AFF2: variants seen among roughly 807,000 people sequenced by gnomAD.
AFF2 encodes the protein AF4/FMR2 family member 2.
A neutral mutation model predicts 76.9 loss-of-function variants in AFF2; 14 were observed. That is an observed-to-expected ratio of 0.18 (90% CI 0.12 to 0.28). The LOEUF is 0.28. Ranked by LOEUF, AFF2 falls within the 10% of genes least tolerant of loss-of-function variation. The pLI, the probability that AFF2 is intolerant of heterozygous loss-of-function variation, is 1.00. For synonymous variants in AFF2, 398 were observed against 366.7 expected (o/e 1.09, Z -0.98); for missense variants, 868 against 1,001.1 (o/e 0.87, Z 1.79).
chrX:148,604,313 A>G (rs1422712508), intron 1 of AFF2, among the ~76,000 whole-genome samples: 1 of 112,846 alleles, frequency 8.9e-6, no homozygotes, highest in East Asian at 2.8e-4. Context: ...ACACTCTCCA[A>G]TTGCAATGCA....
At chrX:148,950,308 A>G (rs73614034) in intron 9 of AFF2, among the ~76,000 whole-genome samples, 4,156 of 112,148 alleles carry the variant, frequency 0.037, 182 homozygotes, top group African/African-American at 0.13. Context: ...GGCTGCATCT[A>G]CAGTCTCCAG....
chrX:148,601,063 C>T lies in AFF2; in HGVS notation c.48-50936C>T, dbSNP rs999785366. On this transcript the variant is annotated intron_variant, in intron 1 of 20. Transcript: ENST00000370460. ...CCTGGAAGGCCATGGAAAGGAGTTACATTTCATTCTGAGAGCGTTTCTTTT... is the reference window on the plus strand; with the variant it reads ...CCTGGAAGGCCATGGAAAGGAGTTATATTTCATTCTGAGAGCGTTTCTTTT... Among the ~76,000 whole-genome samples the T allele has an allele frequency of 8.9e-5, 10 of 112,572 alleles. No homozygotes were observed. In the Admixed American group the frequency reaches 9.4e-4, roughly 11 times the overall value.
At chrX:148,658,478 C>G (rs1485418827) in intron 2 of AFF2, among the ~76,000 whole-genome samples, 1 of 111,971 alleles carries the variant, frequency 8.9e-6, no homozygotes, top group Non-Finnish European at 1.9e-5. Flanking sequence ...AGCTGCACGC[C>G]TGGATTGTAT....
chrX:148,624,628 A>G (rs1189389581), intron 1 of AFF2, among the ~76,000 whole-genome samples: 1 of 112,237 alleles, frequency 8.9e-6, no homozygotes, highest in Non-Finnish European at 1.9e-5. Flanking sequence ...TTCTCTTTAC[A>G]TTTCTTTTTG....
Position 148,991,498 on chromosome X carries a change from C to CTGCCCT in AFF2, c.*167_*168insGCCCTT. 3.4e-6 allele frequency: 2 copies of CTGCCCT among 593,669 alleles called. No individual in the cohort carries two copies. The highest frequency in any genetic ancestry group is 4.8e-6 in the Non-Finnish European group (2 of 415,140). The allele number at this position is 593,669 out of a possible 1,213,427, so 48.9% of individuals were successfully genotyped here. ...AAACAGAAGTCATTGTAAGTTGACA[C>CTGCCCT]TACAACTTAAGGGCAGTGTACGTTT... On this transcript the variant is annotated 3_prime_UTR_variant, in exon 21 of 21. Coordinates refer to ENST00000370460, the MANE Select transcript of AFF2 (RefSeq NM_002025.4).
intron 3 of AFF2, among the ~76,000 whole-genome samples, chrX:148,700,144 C>T (rs782387962): frequency 9.0e-6 from 1 of 111,306 alleles, no homozygotes; most frequent in East Asian, 2.9e-4. Flanking sequence ...GTCATTTCAA[C>T]AACAGAGACA....
At chrX:148,674,271 A>G (rs1163151701) in intron 3 of AFF2, among the ~76,000 whole-genome samples, 1 of 112,459 alleles carries the variant, frequency 8.9e-6, no homozygotes, top group African/African-American at 3.2e-5. Flanking sequence ...GCCAAACCAC[A>G]TCAGGCAGTG....
chrX:148,727,438 G>T (rs1382539627), intron 3 of AFF2, among the ~76,000 whole-genome samples: 1 of 111,481 alleles, frequency 9.0e-6, no homozygotes, highest in Non-Finnish European at 1.9e-5. Flanking sequence ...ATGCTAAATT[G>T]CACTCTCTTA....
At position 148,784,747 on chromosome X, in the gene AFF2, A is replaced by C. The variant is rs187689696; in HGVS notation, c.1042-25129A>C. Among the ~76,000 whole-genome samples, 153 of 112,044 alleles carry C rather than the reference A, an allele frequency of 1.4e-3. 1 individual carries two copies. The highest frequency in any genetic ancestry group is 4.7e-3 in the African/African-American group (145 of 30,892). On this transcript the variant is annotated intron_variant, in intron 3 of 20. Coordinates refer to ENST00000370460, the MANE Select transcript of AFF2 (RefSeq NM_002025.4). ...CACCTGCAAATCATGTTGTTCGCTC[A>C]CTAATTATTCAAATAGTGGGGGCAA...
At chrX:148,953,814 GAC>G (rs879970205) in intron 10 of AFF2, 75 bp downstream of exon 10, 15,294 of 514,147 alleles carry the variant, frequency 0.03, no homozygotes, top group East Asian at 0.048. Flanking sequence ...CACACACACA[GAC>G]ACACACACAC....
At chrX:148,679,318 A>G (rs188852907) in intron 3 of AFF2, among the ~76,000 whole-genome samples, 535 of 108,155 alleles carry the variant, frequency 4.9e-3, no homozygotes, top group Non-Finnish European at 5.5e-3. Context: ...ATGATACAAG[A>G]GGAAAGGTTT....
At chrX:148,978,578 T>C in intron 18 of AFF2, 123 bp downstream of exon 18, 1 of 489,496 alleles carries the variant, frequency 2.0e-6, no homozygotes, top group Non-Finnish European at 3.4e-6. Context: ...CTGCTGGCCA[T>C]GGCCGTCCTA....
At chrX:148,571,847 T>C (rs1436118328) in intron 1 of AFF2, among the ~76,000 whole-genome samples, 1 of 111,172 alleles carries the variant, frequency 9.0e-6, no homozygotes, top group African/African-American at 3.3e-5. Flanking sequence ...CTAATATCTC[T>C]AGATCCACCT....
chrX:148,604,650 G>C (rs1388247005), intron 1 of AFF2, among the ~76,000 whole-genome samples: 1 of 112,348 alleles, frequency 8.9e-6, no homozygotes, highest in Non-Finnish European at 1.9e-5. Flanking sequence ...TGCATTTAAA[G>C]CAAAGATTAG....
chrX:148,760,977 A>G (rs1002520506), intron 3 of AFF2, among the ~76,000 whole-genome samples: 2 of 111,883 alleles, frequency 1.8e-5, no homozygotes, highest in Non-Finnish European at 3.8e-5. Flanking sequence ...TTTCCATGTT[A>G]CCTCATCTAT....
chrX:148,616,225 C>T (rs1557250308), intron 1 of AFF2, among the ~76,000 whole-genome samples: 1 of 111,705 alleles, frequency 9.0e-6, no homozygotes, highest in African/African-American at 3.2e-5. Flanking sequence ...ATTAGACAAG[C>T]CACTCTGGGC....
chrX:148,533,142 T>C (rs2052747724), intron 1 of AFF2, among the ~76,000 whole-genome samples: 1 of 111,568 alleles, frequency 9.0e-6, no homozygotes, highest in Non-Finnish European at 1.9e-5. Flanking sequence ...GTTATGCACA[T>C]TGATGCAATA....
chrX:148,984,134 A>G (rs2072434279), intron 19 of AFF2, among the ~76,000 whole-genome samples: 1 of 109,408 alleles, frequency 9.1e-6, no homozygotes, highest in African/African-American at 3.3e-5. Context: ...AATCTTGAGT[A>G]GGGATTTTAG....
intron 1 of AFF2, among the ~76,000 whole-genome samples, chrX:148,526,720 C>T (rs1232560589): frequency 9.0e-6 from 1 of 111,475 alleles, no homozygotes; most frequent in Non-Finnish European, 1.9e-5. Context: ...CATACATGAA[C>T]ACACATCTAT....
Sources: allele counts gnomAD v4.1 joint callset (sites outside exome capture counted in the v4.1 genomes callset), GRCh38; gene constraint gnomAD v4.1.1; transcripts MANE v1.5; gene names NCBI Gene and HGNC (gene_info 2026-07-23, HGNC 2026-07-21).